MSR1: variants seen among roughly 807,000 people sequenced by gnomAD.
The protein encoded by MSR1 is macrophage scavenger receptor types I and II.
In MSR1, 53 loss-of-function variants were observed where a neutral mutation model predicts 47.2. The observed-to-expected ratio is 1.12, with a 90% CI of 0.90 to 1.41. The LOEUF is 1.41. MSR1 is among the 40% of genes most tolerant of loss of function. MSR1 has a pLI of 0.00. For missense variants in MSR1, 786 were observed against 546.9 expected, an observed-to-expected ratio of 1.44 and a Z score of -4.36; for synonymous variants, 239 against 185.6, an observed-to-expected ratio of 1.29 and a Z score of -2.34.
chr8:16,128,290 T>A (rs1800175755), intron 8 of MSR1, among the ~76,000 whole-genome samples: 1 of 152,038 alleles, frequency 6.6e-6, no homozygotes, highest in Admixed American at 6.6e-5. Flanking sequence ...AAGTCCCCAA[T>A]GTGACTATAT....
intron 3 of MSR1, among the ~76,000 whole-genome samples, chr8:16,169,125 G>C (rs1241019645): frequency 6.6e-6 from 1 of 151,978 alleles, no homozygotes; most frequent in East Asian, 1.9e-4. Context: ...CTGAATTGCT[G>C]CTTATATGAA....
intron 8 of MSR1, among the ~76,000 whole-genome samples, chr8:16,133,055 AG>A (rs1217761979): frequency 6.6e-6 from 1 of 152,096 alleles, no homozygotes; most frequent in Non-Finnish European, 1.5e-5. Flanking sequence ...TAGTTTTATG[AG>A]GTGAATCACA....
intron 1 of MSR1, among the ~76,000 whole-genome samples, chr8:16,183,944 A>T (rs1441171561): frequency 6.8e-6 from 1 of 147,480 alleles, no homozygotes; most frequent in Admixed American, 7.0e-5. Context: ...TGAGTGATTA[A>T]CTCTTTTGGG....
At chr8:16,144,351 G>T (rs544797314) in intron 7 of MSR1, among the ~76,000 whole-genome samples, 1 of 151,634 alleles carries the variant, frequency 6.6e-6, no homozygotes, top group Non-Finnish European at 1.5e-5. Flanking sequence ...TGCTTATTGA[G>T]TTTTTTTTCC....
chr8:16,170,246 G>A (rs575423550), intron 3 of MSR1, among the ~76,000 whole-genome samples: 3 of 152,102 alleles, frequency 2.0e-5, no homozygotes, highest in African/African-American at 7.2e-5. Context: ...TACTCAGGAG[G>A]CTGAGGCAGG....
At chr8:16,170,264 C>G (rs538063000) in intron 3 of MSR1, among the ~76,000 whole-genome samples, 12 of 152,020 alleles carry the variant, frequency 7.9e-5, no homozygotes, top group African/African-American at 2.9e-4. Flanking sequence ...AGGAGAATCA[C>G]TTGAACCTGG....
At chr8:16,177,430 A>G (rs556862054) in intron 2 of MSR1, among the ~76,000 whole-genome samples, 9 of 152,224 alleles carry the variant, frequency 5.9e-5, no homozygotes, top group African/African-American at 2.2e-4. Flanking sequence ...GGGAGGAGGC[A>G]CAGGAAGATT....
intron 4 of MSR1, among the ~76,000 whole-genome samples, chr8:16,166,230 G>A (rs1422058400): frequency 7.4e-6 from 1 of 134,494 alleles, no homozygotes; most frequent in East Asian, 2.2e-4. Context: ...GAGTGCAATG[G>A]CATGATCTCG....
intron 9 of MSR1, among the ~76,000 whole-genome samples, chr8:16,112,942 A>ATTTTTTTTT (rs1563136141): frequency 8.5e-6 from 1 of 117,756 alleles, no homozygotes; most frequent in African/African-American, 3.0e-5. Context: ...ATTTTTTTTA[A>ATTTTTTTTT]GTTTTTTTTT....
At chr8:16,125,121 A>G (rs1289777323) in intron 8 of MSR1, among the ~76,000 whole-genome samples, 1 of 152,178 alleles carries the variant, frequency 6.6e-6, no homozygotes, top group Admixed American at 6.5e-5. Flanking sequence ...AGCCTGAGAC[A>G]TTAGAAAATC....
In MSR1 at chr8:16,177,998, A is replaced by C. The variant is rs1353944380; in HGVS notation, c.-4-6T>G. The C allele has an allele frequency of 3.1e-6, 5 of 1,606,796 alleles. No individual in the cohort carries two copies. The highest frequency in any genetic ancestry group is 1.3e-5 in the African/African-American group (1 of 74,780). ...GATCCCACTGCTCCATACTTCTATG[A>C]AACAAAATGGAAAAATATATTAATT... On this transcript the variant is annotated splice_polypyrimidine_tract_variant and splice_region_variant and intron_variant, in intron 1 of 9. Coordinates refer to ENST00000262101, the MANE Select transcript of MSR1 (RefSeq NM_138715.3).
chr8:16,189,774 T>A (rs1177302191), intron 1 of MSR1, among the ~76,000 whole-genome samples: 1 of 134,834 alleles, frequency 7.4e-6, no homozygotes, highest in African/African-American at 2.7e-5. Flanking sequence ...TATATATATA[T>A]AAAATCTTAT....
Position 16,165,683 on chromosome 8 carries a change from C to T in MSR1, c.631-1432G>A, listed in dbSNP as rs114922323. On this transcript the variant is annotated intron_variant, in intron 4 of 9. Transcript: ENST00000262101. ...TAATCCAGAAGTAAAAAGAATATTA[C>T]ACTCTCTTGAGCTGGACTAGACTAG... 3.4e-3 allele frequency among the ~76,000 whole-genome samples: 518 copies of T among 152,212 alleles called. 3 individuals are homozygous for T. Among genetic ancestry groups the T allele is most frequent in the African/African-American group, 0.012 (479 of 41,544 alleles).
At position 16,150,302 on chromosome 8, in the gene MSR1, C is replaced by T. The variant is rs969876083; in HGVS notation, c.908G>A (p.Gly303Asp). The T allele has an allele frequency of 5.7e-6, 9 of 1,566,622 alleles. No individual in the cohort carries two copies. Among genetic ancestry groups the T allele is most frequent in the Non-Finnish European group, 6.9e-6 (8 of 1,152,488 alleles). ...AATTGCTCCCCGATCACCTTTAAGA[C>T]CCGGAGGACCTACATTATTAACGAA... ...RGFPGPIGPPGLKGDRGAIGF... is the reference protein window; with the variant it reads ...RGFPGPIGPPDLKGDRGAIGF... Residue 303 changes from glycine to aspartate, a missense_variant, in exon 7 of 10, where the codon GGT becomes GAT. Physicochemically the swap from Gly to Asp is moderately conservative, Grantham distance 94. Transcript: ENST00000262101.
chr8:16,120,563 G>A lies in MSR1; in HGVS notation c.1077C>T (p.His359=), dbSNP rs1193407986. The change falls in exon 9 of 10, where the codon CAC becomes CAT. Residue 359 remains histidine (H), a synonymous_variant. Coordinates refer to ENST00000262101, the MANE Select transcript of MSR1 (RefSeq NM_138715.3). Reference sequence around the variant, plus strand: ...TGTGGAGTATCTCCACCCTCCCCTCGTGAGGGCCGCTCCCACCGACCAGTC... The same window carrying A: ...TGTGGAGTATCTCCACCCTCCCCTCATGAGGGCCGCTCCCACCGACCAGTC... The part of the protein sequence containing the change: ...KVRLVGGSGP[H]EGRVEILHSG... 6.2e-6 allele frequency: 10 copies of A among 1,604,962 alleles called. No individual in the cohort carries two copies. The highest frequency in any genetic ancestry group is 2.2e-5 in the East Asian group (1 of 44,564).
intron 6 of MSR1, among the ~76,000 whole-genome samples, chr8:16,150,685 T>C (rs1289353653): frequency 3.9e-5 from 6 of 152,080 alleles, no homozygotes; most frequent in Non-Finnish European, 8.8e-5. Context: ...AAAATTGAAT[T>C]CTTAAGATTT....
At chr8:16,119,870 CTTTTTTTTT>C (rs35520763) in intron 9 of MSR1, among the ~76,000 whole-genome samples, 2 of 95,680 alleles carry the variant, frequency 2.1e-5, no homozygotes, top group African/African-American at 4.0e-5. Flanking sequence ...TCACGCCTGG[CTTTTTTTTT>C]TTTTTTTTTT....
At chr8:16,154,345 T>A (rs1451059258) in intron 6 of MSR1, among the ~76,000 whole-genome samples, 1 of 151,970 alleles carries the variant, frequency 6.6e-6, no homozygotes, top group Non-Finnish European at 1.5e-5. Context: ...AACATGACAA[T>A]CATGTTATTA....
chr8:16,140,841 G>C, intron 8 of MSR1: 1 of 1,568,092 alleles, frequency 6.4e-7, no homozygotes, highest in Non-Finnish European at 8.6e-7. Flanking sequence ...CAGGGACCAG[G>C]AGAGAAGGCC....
Sources: gnomAD v4.1 joint callset for allele counts (sites outside exome capture counted in the v4.1 genomes callset) on GRCh38, gnomAD v4.1.1 for gene constraint, MANE v1.5 for transcripts, NCBI Gene and HGNC (gene_info 2026-07-23, HGNC 2026-07-21) for gene names.